ADAMTS3: variants seen among roughly 807,000 people sequenced by gnomAD.
ADAMTS3 encodes ADAM metallopeptidase with thrombospondin type 1 motif 3.
In ADAMTS3, 73 loss-of-function variants were observed where a neutral mutation model predicts 129.0. The ratio of observed to expected loss-of-function variants is 0.57; its 90% CI spans 0.47 to 0.69. The LOEUF is 0.69. Among genes scored for constraint, ADAMTS3 ranks in the 30% least tolerant of loss-of-function variants. The probability of loss-of-function intolerance (pLI) is 0.00; values close to 1 mark genes in which losing one functional copy is unlikely to be tolerated. For synonymous variants in ADAMTS3, 477 were observed against 510.8 expected (o/e 0.93, Z 0.89); for missense variants, 1,457 against 1,514.5 (o/e 0.96, Z 0.63).
At chr4:72,459,991 C>A (rs1431033223) in intron 3 of ADAMTS3, among the ~76,000 whole-genome samples, 1 of 151,462 alleles carries the variant, frequency 6.6e-6, no homozygotes, top group Non-Finnish European at 1.5e-5. Context: ...AATTTTCCAC[C>A]CATACTGTCA....
At chr4:72,469,511 C>T (rs770727109) in intron 3 of ADAMTS3, among the ~76,000 whole-genome samples, 5 of 152,082 alleles carry the variant, frequency 3.3e-5, no homozygotes, top group African/African-American at 7.2e-5. Flanking sequence ...ATTCATTAGA[C>T]GACTAATAAA....
At chr4:72,494,728 T>C (rs986847352) in intron 3 of ADAMTS3, among the ~76,000 whole-genome samples, 19 of 152,172 alleles carry the variant, frequency 1.2e-4, no homozygotes, top group Admixed American at 1.2e-3. Flanking sequence ...TTCAGAAAGA[T>C]ATTTACCTAA....
chr4:72,539,698 T>G (rs1181201976), intron 3 of ADAMTS3, among the ~76,000 whole-genome samples: 1 of 151,976 alleles, frequency 6.6e-6, no homozygotes, highest in Non-Finnish European at 1.5e-5. Context: ...GTGACTGAAT[T>G]ATGGGGGTGG....
chr4:72,482,452 CTGGAAATGACAAAAA>C (rs1455341517), intron 3 of ADAMTS3, among the ~76,000 whole-genome samples: 1 of 151,668 alleles, frequency 6.6e-6, no homozygotes, highest in Non-Finnish European at 1.5e-5. Context: ...ACATACTGTT[CTGGAAATGACAAAAA>C]TGGAAATGAA....
chr4:72,291,058 C>T lies in ADAMTS3; in HGVS notation c.2728G>A (p.Val910Ile). Residue 910 changes from valine (V) to isoleucine (I), a missense_variant, in exon 20 of 22, where the codon GTA becomes ATA. By Grantham distance (29) the Val-to-Ile change is conservative. Coordinates refer to ENST00000286657, the MANE Select transcript of ADAMTS3 (RefSeq NM_014243.3). Reference protein sequence around the residue: ...NIQECTHPLWVAEEWEHCTKT... With the variant: ...NIQECTHPLWIAEEWEHCTKT... ...GTGCAGTGTTCCCATTCTTCTGCTA[C>T]CCAGCTGTGGGTGCGGGGATTTAAT... The T allele has an allele frequency of 1.2e-6, 2 of 1,613,882 alleles. No individual in the cohort carries two copies. The highest frequency in any genetic ancestry group is 8.5e-7 in the Non-Finnish European group (1 of 1,179,864).
At chr4:72,550,328 T>A (rs1469053901) in intron 2 of ADAMTS3, among the ~76,000 whole-genome samples, 1 of 152,062 alleles carries the variant, frequency 6.6e-6, no homozygotes, top group Non-Finnish European at 1.5e-5. Flanking sequence ...GCTCATAAAG[T>A]ATCCTTGTAG....
chr4:72,324,107 A>T (rs2109812853), intron 5 of ADAMTS3, among the ~76,000 whole-genome samples: 1 of 152,288 alleles, frequency 6.6e-6, no homozygotes, highest in South Asian at 2.1e-4. Flanking sequence ...GGGATGAAAA[A>T]CTAACTGCAA....
In ADAMTS3 at chr4:72,397,574, C is replaced by CA. The variant is rs1482390858; in HGVS notation, c.661+17240dup. Reference sequence around the variant, plus strand: ...GGTGAGACTCTATTACACACACACACACACACACACACACACAAAGAAAGA... The same window carrying CA: ...GGTGAGACTCTATTACACACACACACAACACACACACACACACAAAGAAAGA... On this transcript the variant is annotated intron_variant, in intron 4 of 21. Transcript: ENST00000286657. Among the ~76,000 whole-genome samples the CA allele has an allele frequency of 1.2e-4, 18 of 151,916 alleles. 1 individual carries two copies. In the South Asian group the frequency reaches 2.5e-3, roughly 21 times the overall value.
intron 3 of ADAMTS3, among the ~76,000 whole-genome samples, chr4:72,437,875 T>G (rs577741170): frequency 6.6e-6 from 1 of 151,852 alleles, no homozygotes; most frequent in South Asian, 2.1e-4. Context: ...ATAATAGTAA[T>G]GGAAAAAATA....
chr4:72,454,114 T>A (rs1203868925), intron 3 of ADAMTS3, among the ~76,000 whole-genome samples: 1 of 151,446 alleles, frequency 6.6e-6, no homozygotes, highest in Non-Finnish European at 1.5e-5. Flanking sequence ...ATAAAAATAC[T>A]GATGAAATAA....
At chr4:72,509,478 G>T (rs1417378289) in intron 3 of ADAMTS3, among the ~76,000 whole-genome samples, 1 of 151,624 alleles carries the variant, frequency 6.6e-6, no homozygotes. Flanking sequence ...ATTAATGGCT[G>T]CCATGAGCAA....
intron 10 of ADAMTS3, among the ~76,000 whole-genome samples, chr4:72,316,383 G>A (rs754926681): frequency 9.2e-5 from 14 of 152,092 alleles, no homozygotes; most frequent in Non-Finnish European, 1.8e-4. Flanking sequence ...CAGATAGATA[G>A]TTGAATATAA....
chr4:72,482,615 T>C (rs1027411884), intron 3 of ADAMTS3, among the ~76,000 whole-genome samples: 1 of 152,162 alleles, frequency 6.6e-6, no homozygotes, highest in Non-Finnish European at 1.5e-5. Flanking sequence ...GTCAATATTC[T>C]ATTGGTAATA....
Position 72,414,115 on chromosome 4 carries a change from C to A in ADAMTS3, c.661+700G>T, listed in dbSNP as rs188786202. ...GTTGTCTTGGCAAATGTAAAGACTT[C>A]TTGAGATTTGGTTAAAAAAAAAATA... On this transcript the variant is annotated intron_variant, in intron 4 of 21. Transcript: ENST00000286657. Among the ~76,000 whole-genome samples the A allele has an allele frequency of 1.3e-4, 19 of 151,574 alleles. No individual in the cohort carries two copies. In the East Asian group the frequency reaches 2.9e-3, roughly 23 times the overall value.
chr4:72,313,931 C>T lies in ADAMTS3; in HGVS notation c.1600-109G>A, dbSNP rs1013735301. 7 of 1,268,790 alleles carry T rather than the reference C, an allele frequency of 5.5e-6. No homozygotes were observed. In the Middle Eastern group the frequency reaches 9.6e-4, roughly 174 times the overall value. 78.6% of individuals were successfully genotyped at this position (1,268,790 alleles called of 1,614,324 possible). A position where few individuals can be genotyped will look rare whatever the true frequency, so the allele number is the denominator to read the frequency against. ...GGCTTTCTTACTGCTCTTTTTTCTT[C>T]CAGGTGGAGATGCATTTAAAATTAT... On this transcript the variant is annotated intron_variant, in intron 11 of 21. Transcript: ENST00000286657.
At chr4:72,450,293 C>A (rs1718360704) in intron 3 of ADAMTS3, among the ~76,000 whole-genome samples, 1 of 151,582 alleles carries the variant, frequency 6.6e-6, no homozygotes, top group Admixed American at 6.6e-5. Context: ...CTGAACGGTA[C>A]AATTGCCTTC....
At chr4:72,415,197 G>C (rs1165175211) in intron 3 of ADAMTS3, among the ~76,000 whole-genome samples, 4 of 151,718 alleles carry the variant, frequency 2.6e-5, no homozygotes, top group African/African-American at 9.7e-5. Flanking sequence ...AGGTATTACG[G>C]AATACAAAAT....
chr4:72,495,487 C>T (rs1408075555), intron 3 of ADAMTS3, among the ~76,000 whole-genome samples: 1 of 151,978 alleles, frequency 6.6e-6, no homozygotes, highest in Non-Finnish European at 1.5e-5. Flanking sequence ...ATACTATTAG[C>T]TATGTATCTG....
At chr4:72,303,326 T>C (rs1719000062) in intron 17 of ADAMTS3, among the ~76,000 whole-genome samples, 1 of 145,456 alleles carries the variant, frequency 6.9e-6, no homozygotes, top group African/African-American at 2.4e-5. Context: ...TATATTTTTC[T>C]TTGATCAGCC....
Sources: allele counts gnomAD v4.1 joint callset (sites outside exome capture counted in the v4.1 genomes callset), GRCh38; gene constraint gnomAD v4.1.1; transcripts MANE v1.5; gene names NCBI Gene and HGNC (gene_info 2026-07-23, HGNC 2026-07-21).